ESPN: variants seen among roughly 807,000 people sequenced by gnomAD.
ESPN encodes espin, also known as autosomal recessive deafness type 36 protein.
A neutral mutation model predicts 77.7 loss-of-function variants in ESPN; 68 were observed. The ratio of observed to expected loss-of-function variants is 0.87; its 90% CI spans 0.72 to 1.07. The LOEUF (loss-of-function observed/expected upper bound fraction) is 1.07. ESPN is among the 50% of genes least tolerant of loss of function. The pLI is 0.00. For missense variants in ESPN, 1,060 were observed against 1,239.0 expected (o/e 0.86, Z 2.17); for synonymous variants, 449 against 567.1 (o/e 0.79, Z 2.96).
rs374134792 is a variant in ESPN at position 6,428,330 on chromosome 1, G to A, written c.399G>A (p.Ala133=). The change falls in exon 2 of 13, where the codon GCG becomes GCA. Residue 133 remains alanine (A), a synonymous_variant. Coordinates refer to ENST00000645284, the MANE Select transcript of ESPN (RefSeq NM_031475.3). This position sits in a 1 kb window ranked among gnomAD's most constrained non-coding sequence, Gnocchi z 5.4. ...ATCATGGCGGTGGGGACCCCACCGC[G>A]GCCACAGACATGGGCGCCCTGCCTA... ...LLHHGGGDPT[A]ATDMGALPIH... The A allele has an allele frequency of 3.2e-5, 51 of 1,612,970 alleles. No homozygotes were observed. Among genetic ancestry groups the A allele is most frequent in the Middle Eastern group, 1.7e-4 (1 of 6,048 alleles).
rs1426902831 is a variant in ESPN, at chr1:6,444,479, A to G, written c.991-2A>G. On this transcript the variant is annotated splice_acceptor_variant, in intron 5 of 12. Coordinates refer to ENST00000645284, the MANE Select transcript of ESPN (RefSeq NM_031475.3). LOFTEE classifies it high-confidence loss of function. ...TTCATGGCCTCCCTGCCTCCCCTTC[A>G]GAGCGTGGAGCACCGCGTGCTTTCC... 7.4e-6 allele frequency: 12 copies of G among 1,614,036 alleles called. No individual in the cohort carries two copies. Among genetic ancestry groups the G allele is most frequent in the Non-Finnish European group, 1.0e-5 (12 of 1,179,996 alleles).
chr1:6,445,633 C>T (rs1557707739), intron 6 of ESPN, 31 bp from the exon 7 acceptor site: 2 of 1,607,820 alleles, frequency 1.2e-6, no homozygotes, highest in Non-Finnish European at 1.7e-6. Flanking sequence ...CTGCATGCTC[C>T]CAAATCTGGC....
At chr1:6,448,544 G>A in intron 7 of ESPN, 97 bp from the exon 8 acceptor site, 2 of 1,130,358 alleles carry the variant, frequency 1.8e-6, no homozygotes, top group East Asian at 3.0e-5. Context: ...ACGGCCGCTG[G>A]CCGCGAGTCC....
rs1643758690 is a variant in ESPN at position 6,444,563 on chromosome 1, A to G, written c.1073A>G (p.Asn358Ser). ...CCGGATTCAGGCATGTCCTCACCCA[A>G]TACCACGGTGTCGGTCCAGCCGCTG... is the stretch of plus-strand genomic sequence containing the variant. ...KQPDSGMSSPNTTVSVQPLNF... is the reference protein window; with the variant it reads ...KQPDSGMSSPSTTVSVQPLNF... The change falls in exon 6 of 13, where the codon AAT becomes AGT. Residue 358 changes from asparagine (N) to serine (S), a missense_variant. Transcript: ENST00000645284. 1.2e-6 allele frequency: 2 copies of G among 1,614,142 alleles called. No homozygotes were observed. The highest frequency in any genetic ancestry group is 1.3e-5 in the African/African-American group (1 of 75,036).
intron 2 of ESPN, among the ~76,000 whole-genome samples, chr1:6,431,742 A>T (rs1157808970): frequency 1.5e-5 from 2 of 133,428 alleles, no homozygotes; most frequent in Non-Finnish European, 3.2e-5. Context: ...GGGGTCTGGC[A>T]CCACCCAGTG....
At chr1:6,454,457 CTACCCCCGCGAGGGCTGGAGG>C (rs1644013130) in intron 10 of ESPN, 5 of 398,886 alleles carry the variant, frequency 1.3e-5, no homozygotes, top group Non-Finnish European at 2.2e-5. Flanking sequence ...GCTCGTGCTG[CTACCCCCGCGAGGGCTGGAGG>C]TACTCCCGCG....
chr1:6,454,892 G>C, intron 10 of ESPN: 1 of 388,770 alleles, frequency 2.6e-6, no homozygotes, highest in Non-Finnish European at 4.6e-6. Flanking sequence ...TGGGTCGCTC[G>C]CACTCGCTCA....
Position 6,455,896 on chromosome 1 carries a change from C to A in ESPN, c.2326-1288C>A, listed in dbSNP as rs1279344820. 4 of 398,682 alleles carry A rather than the reference C, an allele frequency of 1.0e-5. No homozygotes were observed. In the East Asian group the frequency reaches 1.1e-4, roughly 11 times the overall value. 24.7% of individuals were successfully genotyped at this position (398,682 alleles called of 1,614,324 possible). On this transcript the variant is annotated intron_variant, in intron 10 of 12. Transcript: ENST00000645284. ...GCTGAGCCGGCCCCCGAAGAACAGG[C>A]GAAGGAAAAGGAAGAGGAGGGGAAA...
chr1:6,444,421 C>A, intron 5 of ESPN, 60 bp from the exon 6 acceptor site: 2 of 1,566,746 alleles, frequency 1.3e-6, no homozygotes, highest in Admixed American at 1.7e-5. Context: ...GGACCCTGGC[C>A]TGGAGAGCAA....
chr1:6,443,450 C>T (rs1403736331), intron 5 of ESPN, among the ~76,000 whole-genome samples: 1 of 152,266 alleles, frequency 6.6e-6, no homozygotes, highest in African/African-American at 2.4e-5. Context: ...GTGCCCTCAG[C>T]ACCCACTGCT....
chr1:6,449,088 G>C lies in ESPN; in HGVS notation c.1912G>C (p.Gly638Arg), dbSNP rs770028513. The change falls in exon 8 of 13, where the codon GGC becomes CGC. Residue 638 changes from glycine to arginine, a missense_variant. By Grantham distance (125) the Gly-to-Arg change is moderately radical. Coordinates refer to ENST00000645284, the MANE Select transcript of ESPN (RefSeq NM_031475.3). The part of the protein sequence containing the change: ...CGQRRSSSST[G>R]STKSFNMMSP... ...GCAGCGCCGCTCCTCCTCGTCCACCGGCAGTGAGTAGGGGCAGGTTGAGGG... is the reference window on the plus strand; with the variant it reads ...GCAGCGCCGCTCCTCCTCGTCCACCCGCAGTGAGTAGGGGCAGGTTGAGGG... 2.7e-6 allele frequency: 4 copies of C among 1,483,756 alleles called. No homozygotes were observed. Among genetic ancestry groups the C allele is most frequent in the African/African-American group, 1.5e-5 (1 of 68,744 alleles). The allele number at this position is 1,483,756 out of a possible 1,614,324, so 91.9% of individuals were successfully genotyped here. A position where few individuals can be genotyped will look rare whatever the true frequency, so the allele number is the denominator to read the frequency against.
Position 6,440,363 on chromosome 1 carries a change from C to G in ESPN, c.598C>G (p.His200Asp). The G allele has an allele frequency of 1.3e-6, 2 of 1,586,574 alleles. No homozygotes were observed. Among genetic ancestry groups the G allele is most frequent in the Non-Finnish European group, 1.7e-6 (2 of 1,167,146 alleles). Reference sequence around the variant, plus strand: ...GGTGCAGGAATGCGGCGCAGACCCGCACGCGCGCGCCCACGACGGCATGAC... The same window carrying G: ...GGTGCAGGAATGCGGCGCAGACCCGGACGCGCGCGCCCACGACGGCATGAC... ...YLVQECGADP[H>D]ARAHDGMTPL... Residue 200 changes from histidine (H) to aspartate (D), a missense_variant, in exon 3 of 13, where the codon CAC (histidine) becomes GAC (aspartate). Physicochemically the swap from His to Asp is moderately conservative, Grantham distance 81. Around this residue, in one of 3 missense-constraint regions of ESPN, gnomAD observed 556 missense variants for 633.6 expected, o/e 0.88. Coordinates refer to ENST00000645284, the MANE Select transcript of ESPN (RefSeq NM_031475.3).
rs1019102658 is a variant in ESPN at position 6,427,247 on chromosome 1, T to A, written c.295-979T>A. 6.6e-6 allele frequency among the ~76,000 whole-genome samples: 1 copy of A among 152,084 alleles called. No individual in the cohort carries two copies. The highest frequency in any genetic ancestry group is 1.5e-5 in the Non-Finnish European group (1 of 68,010). ...ACCCAGAACCCTGCCCACCCCTCTG[T>A]CATCCTATGTGCTTGGTGCTGGGAG... On this transcript the variant is annotated intron_variant, in intron 1 of 12. Coordinates refer to ENST00000645284, the MANE Select transcript of ESPN (RefSeq NM_031475.3). The surrounding 1 kb of genome is among the most constrained non-coding windows in gnomAD (Gnocchi z 4.6).
chr1:6,453,673 T>C (rs1643994430), intron 10 of ESPN, among the ~76,000 whole-genome samples: 1 of 152,102 alleles, frequency 6.6e-6, no homozygotes, highest in African/African-American at 2.4e-5. Context: ...GACTTTCTCC[T>C]GGAGCACTGG....
chr1:6,431,779 G>A (rs1357860252), intron 2 of ESPN, among the ~76,000 whole-genome samples: 2 of 152,196 alleles, frequency 1.3e-5, no homozygotes, highest in Non-Finnish European at 2.9e-5. Context: ...ACCACCCCGA[G>A]CAGTAGCTAT....
rs1643401699 is a variant in ESPN, at chr1:6,435,399, C to T, written c.489-4855C>T. Among the ~76,000 whole-genome samples the T allele has an allele frequency of 1.3e-5, 2 of 152,232 alleles. 1 individual carries two copies. The highest frequency in any genetic ancestry group is 4.8e-5 in the African/African-American group (2 of 41,452). On this transcript the variant is annotated intron_variant, in intron 2 of 12. Transcript: ENST00000645284. ...CTGGCACCAGTCTCCGCCGGAGATT[C>T]CCACAGCCCACACGGGCGACCCATG... is the stretch of plus-strand genomic sequence containing the variant.
Position 6,451,401 on chromosome 1 carries a change from C to T in ESPN, c.1916-202C>T. 1 of 674,700 alleles carries T rather than the reference C, an allele frequency of 1.5e-6. No individual in the cohort carries two copies. The highest frequency in any genetic ancestry group is 2.6e-5 in the Admixed American group (1 of 38,500). The allele number at this position is 674,700 out of a possible 1,614,324, so 41.8% of individuals were successfully genotyped here. A position where few individuals can be genotyped will look rare whatever the true frequency, so the allele number is the denominator to read the frequency against. On this transcript the variant is annotated intron_variant, in intron 8 of 12. Transcript: ENST00000645284. The surrounding 1 kb of genome is among the most constrained non-coding windows in gnomAD (Gnocchi z 4.3). ...TAGGGTGGGGAAGATGGTGGGGTTG[C>T]CACAGTCAGGGAACCAAGGGCCCGC...
chr1:6,440,501 T>TGGAGGGAGC (rs1643585100), intron 3 of ESPN, 61 bp downstream of exon 3: 1 of 1,020,686 alleles, frequency 9.8e-7, no homozygotes, highest in South Asian at 2.1e-5. Context: ...GGGCGGGGAG[T>TGGAGGGAGC]GGAGGGAGCG....
intron 10 of ESPN, chr1:6,456,519 G>C (rs1397597266): frequency 4.8e-6 from 1 of 208,074 alleles, no homozygotes; most frequent in East Asian, 1.1e-4. Flanking sequence ...CCTTGCGGCA[G>C]TGTGGCCTGC....
Sources: allele counts gnomAD v4.1 joint callset (sites outside exome capture counted in the v4.1 genomes callset), GRCh38; gene constraint gnomAD v4.1.1; regional missense constraint gnomAD v4.1.1; non-coding constraint Gnocchi (gnomAD v3.1); transcripts MANE v1.5; gene names NCBI Gene and HGNC (gene_info 2026-07-23, HGNC 2026-07-21).